The following LRRC4C variants were observed in gnomAD, a reference collection of about 807,000 sequenced individuals.
The protein encoded by LRRC4C is leucine-rich repeat-containing protein 4C.
Under a neutral mutation model 33.6 loss-of-function variants are expected in LRRC4C, and 5 were observed. The observed-to-expected ratio is 0.15, with a 90% CI of 0.08 to 0.31. The LOEUF (loss-of-function observed/expected upper bound fraction) is 0.31, where lower values mean the gene tolerates loss of function less well. Ranked by LOEUF, LRRC4C falls within the 10% of genes least tolerant of loss-of-function variation. The probability of loss-of-function intolerance (pLI) is 1.00; values close to 1 mark genes in which losing one functional copy is unlikely to be tolerated. For missense variants in LRRC4C, 560 were observed against 796.7 expected, an observed-to-expected ratio of 0.70 and a Z score of 3.58; for synonymous variants, 329 against 302.0, an observed-to-expected ratio of 1.09 and a Z score of -0.93.
chr11:41,418,629 C>T (rs1375256653), intron 1 of LRRC4C, among the ~76,000 whole-genome samples: 6 of 151,966 alleles, frequency 3.9e-5, no homozygotes, highest in Admixed American at 6.6e-5. Flanking sequence ...ACATCAACAA[C>T]GTGAACTATC....
chr11:41,066,000 C>T (rs1025650336), intron 1 of LRRC4C, among the ~76,000 whole-genome samples: 3 of 152,136 alleles, frequency 2.0e-5, no homozygotes, highest in African/African-American at 7.2e-5. Flanking sequence ...GCCAGAATGC[C>T]TTTTCTCTCC....
intron 1 of LRRC4C, among the ~76,000 whole-genome samples, chr11:41,282,794 A>G (rs1316793515): frequency 2.0e-5 from 3 of 152,196 alleles, no homozygotes; most frequent in Admixed American, 1.3e-4. Context: ...CGAGGCCTCC[A>G]TAGGAGCCAA....
intron 2 of LRRC4C, among the ~76,000 whole-genome samples, chr11:40,695,337 T>G (rs1342008832): frequency 6.6e-6 from 1 of 152,186 alleles, no homozygotes; most frequent in Non-Finnish European, 1.5e-5. Context: ...TATTTTTATT[T>G]GTGTATTATC....
intron 1 of LRRC4C, among the ~76,000 whole-genome samples, chr11:41,032,397 C>A (rs1298372614): frequency 6.6e-6 from 1 of 152,000 alleles, no homozygotes; most frequent in East Asian, 1.9e-4. Context: ...TTCACCCCAA[C>A]CTGAAGGTTC....
chr11:40,996,890 G>A (rs763904070), intron 1 of LRRC4C, among the ~76,000 whole-genome samples: 2 of 152,004 alleles, frequency 1.3e-5, no homozygotes. Flanking sequence ...TGAGGGATCC[G>A]TCCCCATGAG....
chr11:40,274,505 A>C (rs1191876728), intron 4 of LRRC4C, among the ~76,000 whole-genome samples: 1 of 151,822 alleles, frequency 6.6e-6, no homozygotes, highest in Non-Finnish European at 1.5e-5. Context: ...CTAGACATGG[A>C]TAGTAGCAGA....
intron 1 of LRRC4C, among the ~76,000 whole-genome samples, chr11:41,170,364 A>G (rs945627589): frequency 2.0e-5 from 3 of 152,090 alleles, no homozygotes; most frequent in Non-Finnish European, 4.4e-5. Flanking sequence ...ATACTACAAG[A>G]CTACAGTAAC....
chr11:40,282,307 T>G (rs1172670254), intron 4 of LRRC4C, among the ~76,000 whole-genome samples: 1 of 152,068 alleles, frequency 6.6e-6, no homozygotes, highest in Non-Finnish European at 1.5e-5. Context: ...ATCGCACCAC[T>G]GCACTCCAGC....
intron 5 of LRRC4C, among the ~76,000 whole-genome samples, chr11:40,193,043 G>C (rs571603870): frequency 6.6e-6 from 1 of 152,196 alleles, no homozygotes; most frequent in Non-Finnish European, 1.5e-5. Context: ...AGACTTAAAT[G>C]TTCCCGTATG....
chr11:40,961,164 C>A (rs555661249), intron 1 of LRRC4C, among the ~76,000 whole-genome samples: 1 of 151,814 alleles, frequency 6.6e-6, no homozygotes, highest in African/African-American at 2.4e-5. Context: ...TACAAATCTT[C>A]TGATAATAGA....
chr11:40,407,522 A>G (rs1309532246), intron 3 of LRRC4C, among the ~76,000 whole-genome samples: 1 of 152,128 alleles, frequency 6.6e-6, no homozygotes, highest in Non-Finnish European at 1.5e-5. Context: ...AGGGCTGGTC[A>G]TTCATCCTGA....
At chr11:40,257,153 A>G (rs925954029) in intron 4 of LRRC4C, among the ~76,000 whole-genome samples, 4 of 152,154 alleles carry the variant, frequency 2.6e-5, no homozygotes, top group African/African-American at 9.7e-5. Flanking sequence ...AATTATAATC[A>G]GTTTCTGACA....
At position 41,311,732 on chromosome 11, in the gene LRRC4C, G is replaced by T. The variant is rs115924025; in HGVS notation, c.-496+147699C>A. Among the ~76,000 whole-genome samples, 974 of 152,242 alleles carry T rather than the reference G, an allele frequency of 6.4e-3. 8 individuals are homozygous for T. The highest frequency in any genetic ancestry group is 0.021 in the African/African-American group (873 of 41,544). On this transcript the variant is annotated intron_variant, in intron 1 of 6. Transcript: ENST00000528697. ...AGCTAGAATAAGTCATTTACTAAAT[G>T]ACATTAAATTGTATTAGCAAATGTA...
intron 1 of LRRC4C, among the ~76,000 whole-genome samples, chr11:41,025,395 T>C (rs1030803468): frequency 1.3e-5 from 2 of 151,698 alleles, no homozygotes; most frequent in Admixed American, 6.6e-5. Context: ...AACAGCCTTA[T>C]TGCTGATATG....
At chr11:40,255,488 C>T (rs1867132070) in intron 4 of LRRC4C, among the ~76,000 whole-genome samples, 1 of 152,144 alleles carries the variant, frequency 6.6e-6, no homozygotes, top group Admixed American at 6.5e-5. Flanking sequence ...AAAGTCTACC[C>T]AAACTTTATT....
At chr11:40,993,163 C>T (rs996765409) in intron 1 of LRRC4C, among the ~76,000 whole-genome samples, 3 of 152,112 alleles carry the variant, frequency 2.0e-5, no homozygotes, top group Non-Finnish European at 4.4e-5. Flanking sequence ...ATTTCATGTG[C>T]TTTGCAGTTG....
At chr11:40,399,864 G>A (rs1949694985) in intron 3 of LRRC4C, among the ~76,000 whole-genome samples, 1 of 151,982 alleles carries the variant, frequency 6.6e-6, no homozygotes, top group South Asian at 2.1e-4. Context: ...TAGTCTATAA[G>A]AGTAAAAGAA....
intron 3 of LRRC4C, among the ~76,000 whole-genome samples, chr11:40,596,680 A>G (rs952722955): frequency 1.3e-5 from 2 of 152,020 alleles, no homozygotes; most frequent in African/African-American, 4.8e-5. Context: ...AAAAAAATTT[A>G]AGTTCCTACA....
chr11:41,323,356 T>C (rs988662531), intron 1 of LRRC4C, among the ~76,000 whole-genome samples: 1 of 152,164 alleles, frequency 6.6e-6, no homozygotes, highest in Non-Finnish European at 1.5e-5. Context: ...TGAGAGATAG[T>C]TGAAATCAAG....
Sources: allele counts gnomAD v4.1 joint callset (sites outside exome capture counted in the v4.1 genomes callset), GRCh38; gene constraint gnomAD v4.1.1; transcripts MANE v1.5; gene names NCBI Gene and HGNC (gene_info 2026-07-23, HGNC 2026-07-21).